Variants in TLN2 observed in about 807,000 individuals in gnomAD.
The protein encoded by TLN2 is talin 2, also known as talin-2.
In TLN2, 118 loss-of-function variants were observed where a neutral mutation model predicts 294.7. The ratio of observed to expected loss-of-function variants is 0.40; its 90% CI spans 0.34 to 0.47. TLN2 has a LOEUF of 0.47. TLN2 is among the 20% of genes least tolerant of loss of function. TLN2 has a pLI of 0.84. For synonymous variants in TLN2, 1,431 were observed against 1,304.5 expected (o/e 1.10, Z -2.09); for missense variants, 3,083 against 3,282.2 (o/e 0.94, Z 1.48).
intron 1 of TLN2, among the ~76,000 whole-genome samples, chr15:62,480,403 A>G (rs2038016184): frequency 6.6e-6 from 1 of 152,046 alleles, no homozygotes; most frequent in Admixed American, 6.6e-5. Flanking sequence ...TATTAGAGAC[A>G]GAGTTTCACC....
At chr15:62,752,114 A>G (rs1324234711) in intron 34 of TLN2, among the ~76,000 whole-genome samples, 191 bp from the exon 35 acceptor site, 1 of 152,148 alleles carries the variant, frequency 6.6e-6, no homozygotes, top group Non-Finnish European at 1.5e-5. Flanking sequence ...TTATACTTTC[A>G]TTGTACTTAT....
chr15:62,580,353 C>A (rs1177013759), intron 1 of TLN2, among the ~76,000 whole-genome samples: 2 of 151,912 alleles, frequency 1.3e-5, no homozygotes, highest in African/African-American at 4.8e-5. Flanking sequence ...AAATCATTAC[C>A]ACCTAAAGAC....
At chr15:62,742,469 C>G (rs1450941587) in intron 32 of TLN2, among the ~76,000 whole-genome samples, 1 of 152,170 alleles carries the variant, frequency 6.6e-6, no homozygotes, top group African/African-American at 2.4e-5. Context: ...AATGGCTTCA[C>G]TCTCCTAAAT....
At chr15:62,749,279 G>A (rs2061787141) in intron 33 of TLN2, among the ~76,000 whole-genome samples, 3 of 152,244 alleles carry the variant, frequency 2.0e-5, no homozygotes, top group African/African-American at 7.2e-5. Context: ...ATGAGAAGGG[G>A]ATTGTTATCA....
At position 62,739,435 on chromosome 15, in the gene TLN2, G is replaced by T. The variant is rs749262895; in HGVS notation, c.3775G>T (p.Val1259Phe). Residue 1259 changes from valine (V) to phenylalanine (F), a missense_variant, in exon 31 of 59, where the codon GTC becomes TTC. Physicochemically the swap from Val to Phe is conservative, Grantham distance 50. Transcript: ENST00000636159. ...TCTGAACCAGTCTGCTGGGGAAGTG[G>T]TCCATGCCACCCGGGGCCAGAGTGG... Reference protein sequence around the residue: ...ADLNQSAGEVVHATRGQSGEL... With the variant: ...ADLNQSAGEVFHATRGQSGEL... 3.1e-6 allele frequency: 5 copies of T among 1,614,188 alleles called. No homozygotes were observed. In the South Asian group the frequency reaches 4.4e-5, roughly 14 times the overall value.
chr15:62,412,570 A>G (rs954474160), intron 1 of TLN2, among the ~76,000 whole-genome samples: 1 of 152,220 alleles, frequency 6.6e-6, no homozygotes, highest in Admixed American at 6.5e-5. Context: ...CTGTCAGGAC[A>G]CCTTCTTCCT....
In TLN2 at chr15:62,724,984, A is replaced by G. The variant is rs148931336; in HGVS notation, c.3135A>G (p.Glu1045=). The G allele has an allele frequency of 6.2e-7, 1 of 1,611,548 alleles. No homozygotes were observed. The highest frequency in any genetic ancestry group is 1.7e-5 in the Admixed American group (1 of 59,896). Residue 1045 remains glutamate, a synonymous_variant, in exon 27 of 59, where the codon GAA becomes GAG. Transcript: ENST00000636159. ...TCCAACTCTGTTGGCAGGCCCATGA[A>G]GCTTGTGGTCCGATGGAAATCGATT... is the stretch of plus-strand genomic sequence containing the variant. ...ELRTASQKAH[E]ACGPMEIDSA...
intron 3 of TLN2, among the ~76,000 whole-genome samples, chr15:62,629,829 G>A (rs938412344): frequency 4.6e-5 from 7 of 152,112 alleles, no homozygotes; most frequent in African/African-American, 1.7e-4. Context: ...AATAAGTAGG[G>A]TAAAGCCCCA....
At chr15:62,775,942 A>G (rs1459840090) in intron 42 of TLN2, among the ~76,000 whole-genome samples, 2 of 152,202 alleles carry the variant, frequency 1.3e-5, no homozygotes, top group Non-Finnish European at 2.9e-5. Flanking sequence ...TAGTGTTGTT[A>G]TAGTTTTCCC....
At chr15:62,818,045 GA>G in intron 52 of TLN2, among the ~76,000 whole-genome samples, 1 of 151,978 alleles carries the variant, frequency 6.6e-6, no homozygotes, top group Non-Finnish European at 1.5e-5. Context: ...CCTGACCTCA[GA>G]TGATCTACCC....
Position 62,840,684 on chromosome 15 carries a change from G to A in TLN2, c.*74G>A. On this transcript the variant is annotated 3_prime_UTR_variant, in exon 59 of 59. Coordinates refer to ENST00000636159, the MANE Select transcript of TLN2 (RefSeq NM_015059.3). Reference sequence around the variant, plus strand: ...GGACAGACAGTGTTCCTGAGAGGCTGGGCACTTAGCTGGAAACCGCCCACC... The same window carrying A: ...GGACAGACAGTGTTCCTGAGAGGCTAGGCACTTAGCTGGAAACCGCCCACC... 1 of 1,544,724 alleles carries A rather than the reference G, an allele frequency of 6.5e-7. No individual in the cohort carries two copies. The highest frequency in any genetic ancestry group is 2.3e-5 in the East Asian group (1 of 43,882).
intron 2 of TLN2, among the ~76,000 whole-genome samples, chr15:62,613,503 G>C (rs1596342016): frequency 6.6e-6 from 1 of 152,170 alleles, no homozygotes; most frequent in East Asian, 1.9e-4. Flanking sequence ...AACCTCTTTG[G>C]GAAACAGTAC....
intron 1 of TLN2, among the ~76,000 whole-genome samples, chr15:62,546,749 G>T (rs749478516): frequency 2.6e-5 from 4 of 152,194 alleles, no homozygotes; most frequent in Non-Finnish European, 4.4e-5. Context: ...TTTAGAGCAA[G>T]GGGAGCTTTG....
chr15:62,499,660 G>A (rs1222394322), intron 1 of TLN2, among the ~76,000 whole-genome samples: 1 of 152,116 alleles, frequency 6.6e-6, no homozygotes, highest in Non-Finnish European at 1.5e-5. Context: ...GGAGTGCGAT[G>A]GCATGATCTT....
At chr15:62,560,198 G>C (rs186522693) in intron 1 of TLN2, among the ~76,000 whole-genome samples, 186 of 152,330 alleles carry the variant, frequency 1.2e-3, no homozygotes, top group Non-Finnish European at 2.3e-3. Flanking sequence ...GTATTTGCTA[G>C]AGAAAATGAT....
At chr15:62,749,205 G>A (rs992185554) in intron 33 of TLN2, among the ~76,000 whole-genome samples, 1 of 152,230 alleles carries the variant, frequency 6.6e-6, no homozygotes, top group Non-Finnish European at 1.5e-5. Flanking sequence ...AATACCCACT[G>A]CAGCTTCTGA....
At chr15:62,567,483 C>A (rs1211403379) in intron 1 of TLN2, among the ~76,000 whole-genome samples, 1 of 152,132 alleles carries the variant, frequency 6.6e-6, no homozygotes, top group African/African-American at 2.4e-5. Flanking sequence ...CAGCAAGATG[C>A]TGGTGGGAGT....
Position 62,833,267 on chromosome 15 carries a change from C to T in TLN2, c.7003-237C>T, listed in dbSNP as rs2069070735. On this transcript the variant is annotated intron_variant, in intron 54 of 58. Transcript: ENST00000636159. The stretch of plus-strand genomic sequence containing the variant: ...CTTAATGCCTGAAAGGTACCAGCCA[C>T]ATCTTCCACACTGTGACCCGAGGGT... 6.0e-6 allele frequency: 3 copies of T among 501,652 alleles called. No homozygotes were observed. The East Asian group carries it at 1.0e-4, about 17-fold the overall frequency. 31.1% of individuals were successfully genotyped at this position (501,652 alleles called of 1,614,324 possible).
At chr15:62,602,927 C>G (rs1016638538) in intron 2 of TLN2, among the ~76,000 whole-genome samples, 1 of 149,870 alleles carries the variant, frequency 6.7e-6, no homozygotes, top group Non-Finnish European at 1.5e-5. Flanking sequence ...GAGTCTCGCT[C>G]TGTTGCCCAG....
Sources: gnomAD v4.1 joint callset for allele counts (sites outside exome capture counted in the v4.1 genomes callset) on GRCh38, gnomAD v4.1.1 for gene constraint, MANE v1.5 for transcripts, NCBI Gene and HGNC (gene_info 2026-07-23, HGNC 2026-07-21) for gene names.